CACNA1E: variants seen among roughly 807,000 people sequenced by gnomAD.
CACNA1E encodes the protein voltage-dependent R-type calcium channel subunit alpha-1E.
Under a neutral mutation model 259.2 loss-of-function variants are expected in CACNA1E, and 40 were observed. The ratio of observed to expected loss-of-function variants is 0.15; its 90% CI spans 0.12 to 0.20. The LOEUF (loss-of-function observed/expected upper bound fraction) is 0.20. Ranked by LOEUF, CACNA1E falls within the 10% of genes least tolerant of loss-of-function variation. The pLI, the probability that CACNA1E is intolerant of heterozygous loss-of-function variation, is 1.00. For synonymous variants in CACNA1E, 1,104 were observed against 1,138.5 expected, an observed-to-expected ratio of 0.97 and a Z score of 0.61; for missense variants, 1,874 against 3,040.1, an observed-to-expected ratio of 0.62 and a Z score of 9.02.
At chr1:181,363,448 G>A (rs1281725293) in intron 1 of CACNA1E, among the ~76,000 whole-genome samples, 2 of 152,282 alleles carry the variant, frequency 1.3e-5, no homozygotes, top group African/African-American at 2.4e-5. Flanking sequence ...TGCAGACCTC[G>A]AAATAAAGAT....
In CACNA1E at chr1:181,802,905, C is replaced by T. The variant is rs528935077; in HGVS notation, c.*4071C>T. The T allele has an allele frequency of 2.0e-5, 3 of 152,178 alleles. No homozygotes were observed. The highest frequency in any genetic ancestry group is 6.5e-5 in the Admixed American group (1 of 15,292). The allele number at this position is 152,178 out of a possible 1,614,324, so 9.4% of individuals were successfully genotyped here. On this transcript the variant is annotated 3_prime_UTR_variant, in exon 48 of 48. Coordinates refer to ENST00000367573, the MANE Select transcript of CACNA1E (RefSeq NM_001205293.3). ...CAGGGACAGGTTGAGGGATATTTCT[C>T]GGCTCATTTATAAGATATAAATATT... is the stretch of plus-strand genomic sequence containing the variant.
At chr1:181,622,571 C>G (rs975682232) in intron 6 of CACNA1E, among the ~76,000 whole-genome samples, 1 of 152,094 alleles carries the variant, frequency 6.6e-6, no homozygotes, top group Non-Finnish European at 1.5e-5. Context: ...CTTTTGTGTA[C>G]AAGTTTACTT....
In CACNA1E at chr1:181,795,037, T is replaced by C. The variant is rs1232610064; in HGVS notation, c.6201T>C (p.Ser2067=). The C allele has an allele frequency of 6.2e-7, 1 of 1,613,396 alleles. No individual in the cohort carries two copies. Among genetic ancestry groups the C allele is most frequent in the Non-Finnish European group, 8.5e-7 (1 of 1,179,514 alleles). ...SLRLSAHRLN[S]DSGHKSDTHR... Reference sequence around the variant, plus strand: ...GGCTGTCAGCCCACCGCCTGAACTCTGATTCAGGTGAGGAGGTCTTCAGTG... The same window carrying C: ...GGCTGTCAGCCCACCGCCTGAACTCCGATTCAGGTGAGGAGGTCTTCAGTG... Residue 2067 remains serine (S), a synonymous_variant, in exon 46 of 48, where the codon TCT becomes TCC. Coordinates refer to ENST00000367573, the MANE Select transcript of CACNA1E (RefSeq NM_001205293.3).
chr1:181,436,179 A>C (rs1660073372), intron 2 of CACNA1E, among the ~76,000 whole-genome samples: 1 of 152,256 alleles, frequency 6.6e-6, no homozygotes, highest in Admixed American at 6.5e-5. Context: ...ATCAGTTCAC[A>C]CCTGTTAGAA....
At chr1:181,733,363 C>T in intron 20 of CACNA1E, 74 bp from the exon 21 acceptor site, 2 of 1,317,616 alleles carry the variant, frequency 1.5e-6, no homozygotes, top group Non-Finnish European at 2.1e-6. Flanking sequence ...TCCCCGCCTT[C>T]CCCTTGTGCC....
intron 7 of CACNA1E, among the ~76,000 whole-genome samples, chr1:181,681,729 A>T (rs532867798): frequency 1.3e-5 from 2 of 152,278 alleles, no homozygotes; most frequent in South Asian, 4.1e-4. Context: ...TCTACCACCT[A>T]CCAGCTGTGA....
At chr1:181,416,289 T>C (rs867866775) in intron 2 of CACNA1E, among the ~76,000 whole-genome samples, 4 of 152,250 alleles carry the variant, frequency 2.6e-5, no homozygotes, top group African/African-American at 9.6e-5. Context: ...AGTTTTTTCT[T>C]GATCTCACGT....
chr1:181,510,673 C>G (rs1666087507), intron 2 of CACNA1E, 91 bp downstream of exon 2: 1 of 813,470 alleles, frequency 1.2e-6, no homozygotes, highest in Admixed American at 2.0e-5. Context: ...CCCTTCCTGC[C>G]TGTGAGTTCT....
intron 1 of CACNA1E, among the ~76,000 whole-genome samples, chr1:181,333,678 C>T (rs929561851): frequency 2.7e-5 from 4 of 150,852 alleles, no homozygotes; most frequent in East Asian, 3.9e-4. Flanking sequence ...TTTTTTGAGA[C>T]GGAGTCTCAC....
intron 3 of CACNA1E, among the ~76,000 whole-genome samples, chr1:181,561,108 GT>G (rs1442576677): frequency 1.3e-5 from 2 of 152,140 alleles, no homozygotes; most frequent in African/African-American, 4.8e-5. Flanking sequence ...TTGTTTAATG[GT>G]ACAGAGTTTC....
intron 7 of CACNA1E, among the ~76,000 whole-genome samples, chr1:181,709,663 T>C (rs1422164310): frequency 6.6e-6 from 1 of 152,142 alleles, no homozygotes; most frequent in African/African-American, 2.4e-5. Context: ...CGTCTTGCTC[T>C]GTTGCCCAGG....
intron 1 of CACNA1E, among the ~76,000 whole-genome samples, chr1:181,366,769 C>T (rs1654297473): frequency 6.6e-6 from 1 of 152,128 alleles, no homozygotes; most frequent in Non-Finnish European, 1.5e-5. Flanking sequence ...AGCATATATG[C>T]CTTTATATTG....
In CACNA1E at chr1:181,783,708, T is replaced by C. The variant is rs757077458; in HGVS notation, c.5394T>C (p.Ala1798=). ...KRLVLMNMPV[A]EDMTVHFTST... is the part of the protein sequence containing the mutation. Reference sequence around the variant, plus strand: ...TGGTCCTGATGAACATGCCAGTAGCTGAGGACATGACGGTCCACTTCACCT... The same window carrying C: ...TGGTCCTGATGAACATGCCAGTAGCCGAGGACATGACGGTCCACTTCACCT... Residue 1798 remains alanine, a synonymous_variant, in exon 40 of 48, where the codon GCT becomes GCC. Coordinates refer to ENST00000367573, the MANE Select transcript of CACNA1E (RefSeq NM_001205293.3). 6.2e-7 allele frequency: 1 copy of C among 1,612,074 alleles called. No homozygotes were observed. Among genetic ancestry groups the C allele is most frequent in the Non-Finnish European group, 8.5e-7 (1 of 1,178,574 alleles).
Position 181,800,918 on chromosome 1 carries a change from ACT to A in CACNA1E, c.*2088_*2089del, listed in dbSNP as rs945862976. 3.1e-4 allele frequency: 48 copies of A among 152,382 alleles called. No individual in the cohort carries two copies. Among genetic ancestry groups the A allele is most frequent in the African/African-American group, 1.1e-3 (47 of 41,342 alleles). 9.4% of individuals were successfully genotyped at this position (152,382 alleles called of 1,614,324 possible). On this transcript the variant is annotated 3_prime_UTR_variant, in exon 48 of 48. Transcript: ENST00000367573. ...AGTGAGGCAGAGACAGAGCTCTCCC[ACT>A]CTCAGACCCTCTTTTGTCTTCATTT...
rs1341812213 is a variant in CACNA1E at position 181,732,787 on chromosome 1, G to A, written c.2701G>A (p.Gly901Arg). Residue 901 changes from glycine (G) to arginine (R), a missense_variant, in exon 20 of 48, where the codon GGA becomes AGA. Around this residue, in one of 14 missense-constraint regions of CACNA1E, gnomAD observed 476 missense variants for 514.0 expected, o/e 0.93. Coordinates refer to ENST00000367573, the MANE Select transcript of CACNA1E (RefSeq NM_001205293.3). The surrounding 1 kb of genome is among the most constrained non-coding windows in gnomAD (Gnocchi z 5.5). ...TGACCCGACTCAGCAGGAGGCAGGG[G>A]GAGGAGAGGCTGTGGTGACCTTTGA... ...NCDPTQQEAG[G>R]GEAVVTFEDR... 6.3e-7 allele frequency: 1 copy of A among 1,595,264 alleles called. No individual in the cohort carries two copies. Among genetic ancestry groups the A allele is most frequent in the Non-Finnish European group, 8.5e-7 (1 of 1,170,186 alleles).
At chr1:181,640,187 A>G (rs1267760600) in intron 6 of CACNA1E, among the ~76,000 whole-genome samples, 3 of 152,164 alleles carry the variant, frequency 2.0e-5, no homozygotes, top group Non-Finnish European at 2.9e-5. Context: ...TGATGGGAAG[A>G]TATTTTGTGC....
chr1:181,515,052 G>A (rs554548536), intron 3 of CACNA1E, among the ~76,000 whole-genome samples: 26 of 152,250 alleles, frequency 1.7e-4, no homozygotes, highest in Admixed American at 3.3e-4. Flanking sequence ...CTGGCTCCAA[G>A]TTCCTTCTTT....
chr1:181,685,657 T>TA (rs1650459863), intron 7 of CACNA1E, among the ~76,000 whole-genome samples: 1 of 152,222 alleles, frequency 6.6e-6, no homozygotes, highest in Admixed American at 6.5e-5. Context: ...TCAATAAACT[T>TA]AAAGTTTCTG....
intron 3 of CACNA1E, among the ~76,000 whole-genome samples, chr1:181,563,716 ACT>A (rs1463845532): frequency 6.6e-6 from 1 of 152,054 alleles, no homozygotes; most frequent in Non-Finnish European, 1.5e-5. Context: ...AAGCTTGCAC[ACT>A]CTCCAATTGG....
Sources: allele counts gnomAD v4.1 joint callset (sites outside exome capture counted in the v4.1 genomes callset), GRCh38; gene constraint gnomAD v4.1.1; regional missense constraint gnomAD v4.1.1; non-coding constraint Gnocchi (gnomAD v3.1); transcripts MANE v1.5; gene names NCBI Gene and HGNC (gene_info 2026-07-23, HGNC 2026-07-21).